Variants in ADGRL3 observed in about 807,000 individuals in gnomAD.
ADGRL3 encodes calcium-independent alpha-latrotoxin receptor 3.
In ADGRL3, 62 loss-of-function variants were observed where a neutral mutation model predicts 153.5. That is an observed-to-expected ratio of 0.40 (90% confidence interval 0.33 to 0.50). ADGRL3 has a LOEUF of 0.50. Ranked by LOEUF, ADGRL3 falls within the 20% of genes least tolerant of loss-of-function variation. The pLI, the probability that ADGRL3 is intolerant of heterozygous loss-of-function variation, is 0.47. For synonymous variants in ADGRL3, 710 were observed against 672.5 expected, an observed-to-expected ratio of 1.06 and a Z score of -0.86; for missense variants, 1,641 against 1,859.4, an observed-to-expected ratio of 0.88 and a Z score of 2.16.
intron 21 of ADGRL3, among the ~76,000 whole-genome samples, chr4:62,022,312 T>G (rs1452791423): frequency 6.6e-6 from 1 of 152,132 alleles, no homozygotes; most frequent in Admixed American, 6.6e-5. Flanking sequence ...AAAGTTTGTT[T>G]GAAGGTAGCA....
chr4:61,817,858 A>G (rs2097705661), intron 9 of ADGRL3, among the ~76,000 whole-genome samples: 1 of 152,116 alleles, frequency 6.6e-6, no homozygotes, highest in Non-Finnish European at 1.5e-5. Flanking sequence ...TGAGAACAGT[A>G]TGGGGGAAAC....
intron 1 of ADGRL3, among the ~76,000 whole-genome samples, chr4:61,272,026 G>A (rs913063870): frequency 2.0e-5 from 3 of 151,974 alleles, no homozygotes; most frequent in Non-Finnish European, 4.4e-5. Context: ...TTAAGTGTTT[G>A]ATTTTGTGAG....
At chr4:61,969,865 G>A (rs1490937497) in intron 17 of ADGRL3, among the ~76,000 whole-genome samples, 2 of 152,120 alleles carry the variant, frequency 1.3e-5, no homozygotes, top group Non-Finnish European at 2.9e-5. Context: ...TAAAAATACT[G>A]TGGCATGCAG....
At chr4:61,895,334 G>A (rs370141748) in intron 10 of ADGRL3, among the ~76,000 whole-genome samples, 2 of 152,088 alleles carry the variant, frequency 1.3e-5, no homozygotes, top group South Asian at 2.1e-4. Flanking sequence ...GGTGTGGTGG[G>A]GGATGCCTGT....
At chr4:61,742,130 C>T (rs75804320) in intron 8 of ADGRL3, among the ~76,000 whole-genome samples, 13,221 of 152,056 alleles carry the variant, frequency 0.087, 1,221 homozygotes, top group African/African-American at 0.23. Context: ...GGGGTTCCAC[C>T]GTAAGAATCC....
At chr4:61,225,718 T>C (rs931298181) in intron 1 of ADGRL3, among the ~76,000 whole-genome samples, 9 of 152,168 alleles carry the variant, frequency 5.9e-5, no homozygotes, top group Non-Finnish European at 1.0e-4. Flanking sequence ...TTCAGTGATA[T>C]CCAGTTTCAT....
In ADGRL3 at chr4:61,345,359, GTAAT is replaced by G. The variant is rs552052387; in HGVS notation, c.-239-37761_-239-37758del. Among the ~76,000 whole-genome samples, 36 of 152,142 alleles carry G rather than the reference GTAAT, an allele frequency of 2.4e-4. No individual in the cohort carries two copies. The South Asian group carries it at 7.2e-3, about 31-fold the overall frequency. On this transcript the variant is annotated intron_variant, in intron 1 of 26. Coordinates refer to ENST00000683033, the MANE Select transcript of ADGRL3 (RefSeq NM_001387552.1). ...GTACATGATTAATGACTCTGAATAA[GTAAT>G]TAAATTATATTTAATTTTGATAACT...
At chr4:61,415,595 G>A (rs2097135830) in intron 2 of ADGRL3, among the ~76,000 whole-genome samples, 1 of 151,938 alleles carries the variant, frequency 6.6e-6, no homozygotes, top group Admixed American at 6.6e-5. Context: ...TAATTTCTAA[G>A]TTAATTTATG....
At chr4:61,868,090 G>A (rs558327906) in intron 9 of ADGRL3, among the ~76,000 whole-genome samples, 10 of 152,004 alleles carry the variant, frequency 6.6e-5, no homozygotes, top group East Asian at 5.8e-4. Flanking sequence ...AAATTGAATC[G>A]TATACTTTCT....
chr4:61,711,489 T>TACAC (rs1554009873), intron 6 of ADGRL3, among the ~76,000 whole-genome samples: 1 of 107,942 alleles, frequency 9.3e-6, no homozygotes, highest in African/African-American at 3.4e-5. Context: ...TATATATATA[T>TACAC]ATACACACAC....
chr4:61,678,378 A>T (rs1204625457), intron 6 of ADGRL3, among the ~76,000 whole-genome samples: 1 of 152,164 alleles, frequency 6.6e-6, no homozygotes, highest in South Asian at 2.1e-4. Context: ...GTAAAATTTC[A>T]GATTGTAGAT....
intron 9 of ADGRL3, among the ~76,000 whole-genome samples, chr4:61,856,950 C>CTT (rs767375117): frequency 9.5e-4 from 54 of 56,998 alleles, no homozygotes; most frequent in African/African-American, 2.8e-3. Context: ...CTTTCTTCTT[C>CTT]TCTTTCTTTC....
intron 8 of ADGRL3, among the ~76,000 whole-genome samples, chr4:61,803,943 G>T (rs192807144): frequency 1.7e-4 from 26 of 152,124 alleles, no homozygotes; most frequent in Admixed American, 1.7e-3. Flanking sequence ...AAATTCCTTT[G>T]ATTAATGCTG....
chr4:61,317,128 C>T (rs1481852488), intron 1 of ADGRL3, among the ~76,000 whole-genome samples: 2 of 152,102 alleles, frequency 1.3e-5, no homozygotes, highest in Non-Finnish European at 2.9e-5. Context: ...CTGTTGATTT[C>T]TAAGTTCCTT....
chr4:61,935,793 T>C (rs952397843), intron 14 of ADGRL3, 130 bp from the exon 15 acceptor site: 8 of 871,914 alleles, frequency 9.2e-6, no homozygotes, highest in Middle Eastern at 3.0e-4. Context: ...TCTTAAAGAT[T>C]TTCATAAAGC....
intron 5 of ADGRL3, among the ~76,000 whole-genome samples, chr4:61,600,470 T>G: frequency 6.6e-6 from 1 of 152,156 alleles, no homozygotes; most frequent in East Asian, 1.9e-4. Context: ...TACTTATGCG[T>G]GATCTGTAAA....
intron 6 of ADGRL3, among the ~76,000 whole-genome samples, chr4:61,685,853 C>A (rs745757390): frequency 6.6e-6 from 1 of 151,884 alleles, no homozygotes; most frequent in Non-Finnish European, 1.5e-5. Context: ...TTACATTATA[C>A]TACAGTAATA....
intron 5 of ADGRL3, among the ~76,000 whole-genome samples, chr4:61,627,115 A>G (rs1168443430): frequency 1.3e-5 from 2 of 152,182 alleles, no homozygotes; most frequent in African/African-American, 4.8e-5. Context: ...TATTTTTATT[A>G]TCAATTACCA....
chr4:61,991,365 T>A (rs144099647), intron 19 of ADGRL3, among the ~76,000 whole-genome samples: 1,896 of 152,158 alleles, frequency 0.012, 51 homozygotes, highest in Admixed American at 0.064. Context: ...TCTACTAAGA[T>A]GAGACCATGG....
Sources: allele counts gnomAD v4.1 joint callset (sites outside exome capture counted in the v4.1 genomes callset), GRCh38; gene constraint gnomAD v4.1.1; transcripts MANE v1.5; gene names NCBI Gene and HGNC (gene_info 2026-07-23, HGNC 2026-07-21).